Variants in DISC1 observed in about 807,000 individuals in gnomAD.
The protein encoded by DISC1 is disrupted in schizophrenia 1 protein.
DISC1 carries 57 observed loss-of-function variants against 84.5 expected under a neutral mutation model. The ratio of observed to expected loss-of-function variants is 0.67; its 90% CI spans 0.55 to 0.84. The LOEUF (loss-of-function observed/expected upper bound fraction) is 0.84. Among genes scored for constraint, DISC1 ranks in the 40% least tolerant of loss-of-function variants. The pLI is 0.00. For missense variants in DISC1, 1,000 were observed against 1,057.8 expected (o/e 0.95, Z 0.76); for synonymous variants, 411 against 415.2 (o/e 0.99, Z 0.12).
chr1:231,723,650 A>T, intron 3 of DISC1: 1 of 985,466 alleles, frequency 1.0e-6, no homozygotes, highest in Non-Finnish European at 1.2e-6. Flanking sequence ...TGTCTCATCA[A>T]TTGGATTATG....
chr1:231,881,908 G>C (rs993010524), intron 9 of DISC1, among the ~76,000 whole-genome samples: 1 of 152,178 alleles, frequency 6.6e-6, no homozygotes, highest in African/African-American at 2.4e-5. Context: ...AGCCTGCACA[G>C]GTCTGATTTT....
intron 3 of DISC1, among the ~76,000 whole-genome samples, chr1:231,709,804 A>T (rs2067572421): frequency 6.6e-6 from 1 of 152,172 alleles, no homozygotes; most frequent in African/African-American, 2.4e-5. Context: ...TTCACGTTTT[A>T]TGCATCTGCC....
chr1:231,649,091 T>C (rs55841612), intron 1 of DISC1, among the ~76,000 whole-genome samples: 200 of 152,314 alleles, frequency 1.3e-3, no homozygotes, highest in African/African-American at 4.5e-3. Context: ...TTTCTTGCCT[T>C]CTACTAGCTT....
intron 8 of DISC1, among the ~76,000 whole-genome samples, chr1:231,800,798 G>A (rs1456513127): frequency 6.6e-6 from 1 of 152,002 alleles, no homozygotes; most frequent in African/African-American, 2.4e-5. Flanking sequence ...ATGGGAGAGA[G>A]ACCGTGATCC....
chr1:232,030,216 A>G (rs993452212), intron 12 of DISC1, among the ~76,000 whole-genome samples: 1 of 152,200 alleles, frequency 6.6e-6, no homozygotes. Flanking sequence ...TTTCACAGTC[A>G]TCTGGGGTCC....
chr1:231,913,898 G>T (rs1446879019), intron 9 of DISC1, among the ~76,000 whole-genome samples: 1 of 152,128 alleles, frequency 6.6e-6, no homozygotes, highest in Non-Finnish European at 1.5e-5. Flanking sequence ...TTCCATCTTG[G>T]TTCTGTTACT....
intron 9 of DISC1, among the ~76,000 whole-genome samples, chr1:231,820,557 A>ATTTTTCCCTTTTT (rs1186774804): frequency 6.6e-6 from 1 of 152,206 alleles, no homozygotes; most frequent in African/African-American, 2.4e-5. Flanking sequence ...CAGGGGAAAA[A>ATTTTTCCCTTTTT]GGCAACTCAT....
intron 9 of DISC1, among the ~76,000 whole-genome samples, chr1:231,930,759 C>T (rs6697641): frequency 1.7e-4 from 26 of 152,248 alleles, no homozygotes; most frequent in African/African-American, 5.5e-4. Flanking sequence ...AAACTCAATG[C>T]TATCTAGTTC....
intron 9 of DISC1, among the ~76,000 whole-genome samples, chr1:231,950,247 T>TGA (rs1472919369): frequency 6.7e-6 from 1 of 148,668 alleles, no homozygotes; most frequent in Non-Finnish European, 1.5e-5. Flanking sequence ...TGTGTGTGTG[T>TGA]GATGCCCATA....
chr1:231,958,964 C>A, intron 10 of DISC1, 76 bp downstream of exon 10: 2 of 1,513,512 alleles, frequency 1.3e-6, no homozygotes, highest in African/African-American at 1.4e-5. Flanking sequence ...TTAGTTAAAT[C>A]GATGAAAAAG....
intron 9 of DISC1, among the ~76,000 whole-genome samples, chr1:231,885,031 C>T (rs116081851): frequency 0.011 from 1,681 of 152,268 alleles, 21 homozygotes; most frequent in African/African-American, 0.037. Context: ...TAATAGTTCA[C>T]CATGCTCATT....
At chr1:231,705,882 G>A (rs2067033501) in intron 3 of DISC1, among the ~76,000 whole-genome samples, 1 of 152,112 alleles carries the variant, frequency 6.6e-6, no homozygotes. Flanking sequence ...TGAGAGGTTT[G>A]CCAGAAGAAA....
At chr1:231,945,023 A>G (rs1030650662) in intron 9 of DISC1, 1 of 152,194 alleles carries the variant, frequency 6.6e-6, no homozygotes, top group Non-Finnish European at 1.5e-5. Flanking sequence ...TGTCAATATT[A>G]GAAAGATCAA....
At chr1:231,651,758 C>G (rs1166760053) in intron 1 of DISC1, among the ~76,000 whole-genome samples, 4 of 152,258 alleles carry the variant, frequency 2.6e-5, no homozygotes, top group African/African-American at 9.6e-5. Flanking sequence ...TCAAGCTTCT[C>G]CAGCCGCTTT....
chr1:231,908,548 T>C (rs2088909536), intron 9 of DISC1, among the ~76,000 whole-genome samples: 2 of 152,236 alleles, frequency 1.3e-5, no homozygotes, highest in Admixed American at 1.3e-4. Flanking sequence ...TCTGTTTTGA[T>C]ATCAGTACCA....
At chr1:231,746,124 C>T (rs943400829) in intron 3 of DISC1, among the ~76,000 whole-genome samples, 2 of 152,174 alleles carry the variant, frequency 1.3e-5, no homozygotes, top group African/African-American at 4.8e-5. Flanking sequence ...ATAAATTACC[C>T]AGCCTCAGGT....
chr1:231,713,718 AT>A (rs569971971), intron 3 of DISC1, among the ~76,000 whole-genome samples: 11 of 146,034 alleles, frequency 7.5e-5, no homozygotes, highest in African/African-American at 2.8e-4. Context: ...ATATATATAT[AT>A]ATATAGGAGA....
At chr1:231,645,629 C>T (rs1010005298) in intron 1 of DISC1, among the ~76,000 whole-genome samples, 7 of 151,960 alleles carry the variant, frequency 4.6e-5, no homozygotes, top group African/African-American at 1.7e-4. Context: ...ACTAACTTGT[C>T]ATTTACATTA....
intron 9 of DISC1, among the ~76,000 whole-genome samples, chr1:231,893,087 C>T (rs1052927657): frequency 1.3e-5 from 2 of 152,134 alleles, no homozygotes; most frequent in African/African-American, 4.8e-5. Flanking sequence ...TGCTTAGGCT[C>T]AGGTGGTTGA....
Sources: allele counts gnomAD v4.1 joint callset (sites outside exome capture counted in the v4.1 genomes callset), GRCh38; gene constraint gnomAD v4.1.1; transcripts MANE v1.5; gene names NCBI Gene and HGNC (gene_info 2026-07-23, HGNC 2026-07-21).